Variants in GRIK1 observed in about 807,000 individuals in gnomAD.
GRIK1 encodes the protein glutamate ionotropic receptor kainate type subunit 1, also known as glutamate receptor ionotropic, kainate 1.
GRIK1 carries 69 observed loss-of-function variants against 105.7 expected under a neutral mutation model. The ratio of observed to expected loss-of-function variants is 0.65; its 90% CI spans 0.54 to 0.80. The LOEUF (loss-of-function observed/expected upper bound fraction) is 0.80, where lower values mean the gene tolerates loss of function less well. Ranked by LOEUF, GRIK1 falls within the 30% of genes least tolerant of loss-of-function variation. The probability of loss-of-function intolerance (pLI) is 0.00; values close to 1 mark genes in which losing one functional copy is unlikely to be tolerated. For missense variants in GRIK1, 1,109 were observed against 1,167.3 expected (o/e 0.95, Z 0.73); for synonymous variants, 438 against 431.3 (o/e 1.02, Z -0.19).
chr21:29,619,486 G>T (rs1039792848), intron 7 of GRIK1, among the ~76,000 whole-genome samples: 10 of 152,050 alleles, frequency 6.6e-5, no homozygotes, highest in African/African-American at 1.9e-4. Flanking sequence ...AGGGGGAAAA[G>T]AGTGGGAAGG....
intron 3 of GRIK1, 27 bp downstream of exon 3, chr21:29,689,701 G>C (rs747330494): frequency 6.2e-7 from 1 of 1,606,206 alleles, no homozygotes; most frequent in East Asian, 2.2e-5. Context: ...AGACATGGTC[G>C]GGTGAGGTCT....
chr21:29,668,959 T>C (rs996102311), intron 4 of GRIK1, among the ~76,000 whole-genome samples: 2 of 151,924 alleles, frequency 1.3e-5, no homozygotes, highest in Admixed American at 6.6e-5. Context: ...TGCTGCGAGG[T>C]GGTGGGTGGG....
intron 1 of GRIK1, among the ~76,000 whole-genome samples, chr21:29,814,408 G>A (rs544012920): frequency 3.4e-4 from 51 of 152,062 alleles, no homozygotes; most frequent in Non-Finnish European, 5.4e-4. Context: ...GCGATGCTGG[G>A]TGCTTGGTGA....
At chr21:29,622,724 C>T (rs933421154) in intron 7 of GRIK1, among the ~76,000 whole-genome samples, 1 of 152,216 alleles carries the variant, frequency 6.6e-6, no homozygotes, top group Non-Finnish European at 1.5e-5. Context: ...GTTTCTTCCT[C>T]TGTCTTATCC....
intron 14 of GRIK1, among the ~76,000 whole-genome samples, chr21:29,569,949 T>C (rs555201848): frequency 6.6e-6 from 1 of 152,206 alleles, no homozygotes; most frequent in African/African-American, 2.4e-5. Context: ...TGGAAATAGG[T>C]CATGTAGCCC....
chr21:29,928,832 C>T (rs1027160095), intron 1 of GRIK1, among the ~76,000 whole-genome samples: 14 of 152,266 alleles, frequency 9.2e-5, no homozygotes, highest in African/African-American at 3.1e-4. Flanking sequence ...GGAGGAATGA[C>T]AGCAAATGCC....
chr21:29,825,226 A>C (rs1227188801), intron 1 of GRIK1, among the ~76,000 whole-genome samples: 1 of 152,040 alleles, frequency 6.6e-6, no homozygotes, highest in East Asian at 1.9e-4. Context: ...TGAAGTTTAT[A>C]GTGGCAAGAG....
chr21:29,546,481 T>C (rs1436294265), intron 16 of GRIK1, among the ~76,000 whole-genome samples: 1 of 152,250 alleles, frequency 6.6e-6, no homozygotes, highest in Non-Finnish European at 1.5e-5. Flanking sequence ...GTTTCTATTC[T>C]TCTTCATCCT....
chr21:29,663,490 C>T (rs2063005781), intron 4 of GRIK1, among the ~76,000 whole-genome samples: 1 of 152,138 alleles, frequency 6.6e-6, no homozygotes, highest in African/African-American at 2.4e-5. Flanking sequence ...TCAGACCTAC[C>T]TTGATCTCCT....
chr21:29,544,570 A>C (rs1421115486), intron 16 of GRIK1, among the ~76,000 whole-genome samples: 1 of 152,170 alleles, frequency 6.6e-6, no homozygotes, highest in Non-Finnish European at 1.5e-5. Context: ...TCTTCAGGGT[A>C]GGGATGATAT....
chr21:29,547,921 G>A (rs139101912), intron 16 of GRIK1, among the ~76,000 whole-genome samples: 52 of 152,278 alleles, frequency 3.4e-4, no homozygotes, highest in African/African-American at 1.3e-3. Flanking sequence ...AAGGTTGAGT[G>A]GGTTATCAAA....
At position 29,848,048 on chromosome 21, in the gene GRIK1, G is replaced by GTTATTATTA. The variant is rs56711180; in HGVS notation, c.118+91326_118+91334dup. ...CTCAGTTACCCAGGGTTAAACGTAA[G>GTTATTATTA]TTATTATTATTATTATTATTAAAAG... On this transcript the variant is annotated intron_variant, in intron 1 of 17. Transcript: ENST00000327783. Among the ~76,000 whole-genome samples the GTTATTATTA allele has an allele frequency of 1.2e-3, 172 of 147,894 alleles. No homozygotes were observed. In the East Asian group the frequency reaches 0.021, roughly 18 times the overall value.
chr21:29,915,539 C>A (rs2070966087), intron 1 of GRIK1, among the ~76,000 whole-genome samples: 1 of 151,986 alleles, frequency 6.6e-6, no homozygotes. Context: ...AGGAAGGGAA[C>A]AATTTCTCTG....
At chr21:29,664,703 C>T (rs1261453501) in intron 4 of GRIK1, among the ~76,000 whole-genome samples, 2 of 151,966 alleles carry the variant, frequency 1.3e-5, no homozygotes, top group African/African-American at 2.4e-5. Flanking sequence ...GAGGATTTGG[C>T]TAACAGTCAT....
At chr21:29,608,551 T>G (rs915876253) in intron 7 of GRIK1, among the ~76,000 whole-genome samples, 2 of 152,180 alleles carry the variant, frequency 1.3e-5, no homozygotes, top group Non-Finnish European at 2.9e-5. Context: ...CACTATAGTT[T>G]TATTTTCTCT....
intron 1 of GRIK1, among the ~76,000 whole-genome samples, chr21:29,743,867 T>C (rs190279355): frequency 1.3e-5 from 2 of 152,264 alleles, no homozygotes; most frequent in Non-Finnish European, 2.9e-5. Flanking sequence ...AGTGTTAGAA[T>C]TGGGAAATTT....
chr21:29,745,117 G>A (rs1043521610), intron 1 of GRIK1, among the ~76,000 whole-genome samples: 13 of 152,122 alleles, frequency 8.5e-5, no homozygotes, highest in African/African-American at 2.9e-4. Context: ...TGGTGGCAGA[G>A]TCTCTCTAAT....
At chr21:29,595,110 C>T (rs1037836189) in intron 9 of GRIK1, among the ~76,000 whole-genome samples, 1 of 151,936 alleles carries the variant, frequency 6.6e-6, no homozygotes, top group Admixed American at 6.6e-5. Context: ...ATACAACTTA[C>T]AATGTGGAAC....
At chr21:29,560,566 T>TC (rs2090448048) in intron 15 of GRIK1, among the ~76,000 whole-genome samples, 4 of 121,576 alleles carry the variant, frequency 3.3e-5, no homozygotes, top group African/African-American at 1.7e-4. Context: ...CTTTCTTTCT[T>TC]TCTTTCTTTC....
Sources: allele counts gnomAD v4.1 joint callset (sites outside exome capture counted in the v4.1 genomes callset), GRCh38; gene constraint gnomAD v4.1.1; transcripts MANE v1.5; gene names NCBI Gene and HGNC (gene_info 2026-07-23, HGNC 2026-07-21).